The following ZMYM5 variants were observed in gnomAD, a reference collection of about 807,000 sequenced individuals.
ZMYM5 encodes zinc finger MYM-type protein 5.
In ZMYM5, 41 loss-of-function variants were observed where a neutral mutation model predicts 61.8. The observed-to-expected ratio is 0.66, with a 90% CI of 0.52 to 0.86. The LOEUF is 0.86. Among genes scored for constraint, ZMYM5 ranks in the 40% least tolerant of loss-of-function variants. The pLI, the probability that ZMYM5 is intolerant of heterozygous loss-of-function variation, is 0.00. For synonymous variants in ZMYM5, 257 were observed against 276.4 expected (o/e 0.93, Z 0.70); for missense variants, 706 against 786.7 (o/e 0.90, Z 1.23).
chr13:19,839,012 A>G (rs917623957), intron 4 of ZMYM5, 27 bp from the exon 5 acceptor site: 1 of 1,592,888 alleles, frequency 6.3e-7, no homozygotes, highest in African/African-American at 1.4e-5. Context: ...GAAAAAAATC[A>G]TGGAACAAAT....
At position 19,825,075 on chromosome 13, in the gene ZMYM5, A is replaced by C. The variant is rs1294026292; in HGVS notation, c.1412T>G (p.Leu471Arg). 7.3e-7 allele frequency: 1 copy of C among 1,367,482 alleles called. No homozygotes were observed. Among genetic ancestry groups the C allele is most frequent in the African/African-American group, 1.5e-5 (1 of 67,746 alleles). 84.7% of individuals were successfully genotyped at this position (1,367,482 alleles called of 1,614,324 possible). The change falls in exon 8 of 8, where the codon CTT becomes CGT. Residue 471 changes from leucine to arginine, a missense_variant. Physicochemically the swap from Leu to Arg is moderately radical, Grantham distance 102. Transcript: ENST00000337963. ...EKKEKTSQLQ[L>R]SVECGTDTLL... is the part of the protein sequence containing the mutation. Reference sequence around the variant, plus strand: ...TGTATCCGTGCCACATTCTACTGAAAGCTGTAGCTGTGAAGTCTTTTCCTT... The same window carrying C: ...TGTATCCGTGCCACATTCTACTGAACGCTGTAGCTGTGAAGTCTTTTCCTT...
chr13:19,851,787 C>T lies in ZMYM5; in HGVS notation c.394G>A (p.Glu132Lys), dbSNP rs1364206160. The T allele has an allele frequency of 6.2e-7, 1 of 1,610,104 alleles. No individual in the cohort carries two copies. Among genetic ancestry groups the T allele is most frequent in the Non-Finnish European group, 8.5e-7 (1 of 1,179,150 alleles). The change falls in exon 3 of 8, where the codon GAG becomes AAG. Residue 132 changes from glutamate (E) to lysine (K), a missense_variant. Around this residue, in one of 2 missense-constraint regions of ZMYM5, gnomAD observed 480 missense variants for 461.7 expected, o/e 1.04. Transcript: ENST00000337963. ...EEDIETNGGA[E>K]KKSSCFIEWG... Reference sequence around the variant, plus strand: ...TCGATAAAACAGGAAGACTTTTTCTCTGCTCCTCCATTTGTTTCTATGTCC... The same window carrying T: ...TCGATAAAACAGGAAGACTTTTTCTTTGCTCCTCCATTTGTTTCTATGTCC...
chr13:19,858,708 T>C (rs1469617321), intron 2 of ZMYM5, among the ~76,000 whole-genome samples: 1 of 151,284 alleles, frequency 6.6e-6, no homozygotes, highest in African/African-American at 2.4e-5. Context: ...AAAAGCAATA[T>C]GATTTTATAA....
intron 2 of ZMYM5, among the ~76,000 whole-genome samples, chr13:19,855,560 C>A (rs562621198): frequency 1.3e-5 from 2 of 151,932 alleles, no homozygotes; most frequent in South Asian, 4.2e-4. Context: ...CCGCGCCCGG[C>A]CCACAGTATC....
chr13:19,837,858 C>T (rs762905949), intron 5 of ZMYM5, 37 bp from the exon 6 acceptor site: 4 of 1,558,940 alleles, frequency 2.6e-6, no homozygotes, highest in East Asian at 4.7e-5. Context: ...TTTAAGAACA[C>T]TGAATTTTAA....
At chr13:19,849,079 T>C (rs1328565965) in intron 4 of ZMYM5, among the ~76,000 whole-genome samples, 2 of 152,018 alleles carry the variant, frequency 1.3e-5, no homozygotes, top group Non-Finnish European at 2.9e-5. Context: ...AAAAAATACA[T>C]AGGGGAATGA....
intron 2 of ZMYM5, among the ~76,000 whole-genome samples, chr13:19,860,189 G>C (rs560088444): frequency 1.4e-5 from 2 of 146,472 alleles, no homozygotes; most frequent in Non-Finnish European, 3.0e-5. Context: ...GCAGTGGTGT[G>C]ATCTTGGCTC....
At position 19,835,469 on chromosome 13, in the gene ZMYM5, A is replaced by G. The variant is rs1365653564; in HGVS notation, c.1251+8T>C. 7.3e-7 allele frequency: 1 copy of G among 1,363,690 alleles called. No homozygotes were observed. The highest frequency in any genetic ancestry group is 1.5e-5 in the African/African-American group (1 of 67,830). The allele number at this position is 1,363,690 out of a possible 1,614,324, so 84.5% of individuals were successfully genotyped here. ...TTTGATCATTTAAAGCTCATGAAAA[A>G]GAATTACCTGTTTATATTCGTTAAT... On this transcript the variant is annotated splice_region_variant and intron_variant, in intron 7 of 7. Transcript: ENST00000337963.
intron 4 of ZMYM5, among the ~76,000 whole-genome samples, chr13:19,844,776 C>A (rs978922365): frequency 6.6e-6 from 1 of 152,124 alleles, no homozygotes; most frequent in Non-Finnish European, 1.5e-5. Flanking sequence ...TGGCCGTCAC[C>A]ACGCCAAGCA....
At chr13:19,854,627 CAAA>C (rs58132634) in intron 2 of ZMYM5, among the ~76,000 whole-genome samples, 1 of 123,858 alleles carries the variant, frequency 8.1e-6, no homozygotes, top group East Asian at 2.3e-4. Context: ...GACTTCGTCT[CAAA>C]AAAAAAAAAA....
At chr13:19,830,111 C>T (rs1009579223) in intron 7 of ZMYM5, among the ~76,000 whole-genome samples, 1 of 152,074 alleles carries the variant, frequency 6.6e-6, no homozygotes, top group African/African-American at 2.4e-5. Flanking sequence ...GCCAAATGTC[C>T]CCATGGGGAC....
intron 2 of ZMYM5, among the ~76,000 whole-genome samples, chr13:19,853,512 C>T (rs1223524507): frequency 6.6e-6 from 1 of 151,858 alleles, no homozygotes; most frequent in Non-Finnish European, 1.5e-5. Context: ...AGGCTGGTCT[C>T]GAACCCCTGA....
At chr13:19,852,327 T>A in intron 2 of ZMYM5, 137 bp from the exon 3 acceptor site, 1 of 870,654 alleles carries the variant, frequency 1.1e-6, no homozygotes, top group Non-Finnish European at 1.7e-6. Flanking sequence ...CCTCTACTGT[T>A]AACTAATGTT....
At chr13:19,848,929 A>G (rs1953182721) in intron 4 of ZMYM5, among the ~76,000 whole-genome samples, 1 of 152,170 alleles carries the variant, frequency 6.6e-6, no homozygotes, top group Non-Finnish European at 1.5e-5. Context: ...TAGAAATAAA[A>G]GAAACCTTTG....
At chr13:19,844,670 G>A (rs1307310272) in intron 4 of ZMYM5, among the ~76,000 whole-genome samples, 2 of 152,178 alleles carry the variant, frequency 1.3e-5, no homozygotes, top group East Asian at 3.9e-4. Flanking sequence ...TTGCCAGGCT[G>A]GAGTGCAGTG....
chr13:19,848,430 A>T (rs1953162863), intron 4 of ZMYM5, among the ~76,000 whole-genome samples: 1 of 151,766 alleles, frequency 6.6e-6, no homozygotes, highest in Non-Finnish European at 1.5e-5. Context: ...TACAGATGTG[A>T]GCTACTACGT....
At chr13:19,863,142 G>C (rs1953837682) in intron 1 of ZMYM5, among the ~76,000 whole-genome samples, 1 of 151,804 alleles carries the variant, frequency 6.6e-6, no homozygotes, top group Non-Finnish European at 1.5e-5. Flanking sequence ...CCACTATGCG[G>C]CAGGAGAGAA....
chr13:19,825,481 A>G (rs553498146), intron 7 of ZMYM5, among the ~76,000 whole-genome samples: 1 of 151,724 alleles, frequency 6.6e-6, no homozygotes, highest in East Asian at 2.0e-4. Context: ...CCCTGTCTCT[A>G]CTAAAAATAC....
At chr13:19,838,293 G>A (rs1385861699) in intron 5 of ZMYM5, among the ~76,000 whole-genome samples, 2 of 152,136 alleles carry the variant, frequency 1.3e-5, no homozygotes, top group Non-Finnish European at 2.9e-5. Context: ...CAGGAGAATC[G>A]CTTGAACCTG....
Sources: allele counts gnomAD v4.1 joint callset (sites outside exome capture counted in the v4.1 genomes callset), GRCh38; gene constraint gnomAD v4.1.1; regional missense constraint gnomAD v4.1.1; transcripts MANE v1.5; gene names NCBI Gene and HGNC (gene_info 2026-07-23, HGNC 2026-07-21).